SDHC: variants seen among roughly 807,000 people sequenced by gnomAD.
SDHC encodes the protein succinate dehydrogenase cytochrome b560 subunit, mitochondrial.
A neutral mutation model predicts 22.6 loss-of-function variants in SDHC; 11 were observed. The ratio of observed to expected loss-of-function variants is 0.49; its 90% CI spans 0.31 to 0.81. SDHC has a LOEUF of 0.81. SDHC is among the 30% of genes least tolerant of loss of function. The pLI is 0.05. For synonymous variants in SDHC, 80 were observed against 77.8 expected, an observed-to-expected ratio of 1.03 and a Z score of -0.15; for missense variants, 160 against 212.0, an observed-to-expected ratio of 0.75 and a Z score of 1.52.
At chr1:161,316,246 G>T (rs1218357036) in intron 1 of SDHC, among the ~76,000 whole-genome samples, 1 of 152,116 alleles carries the variant, frequency 6.6e-6, no homozygotes, top group African/African-American at 2.4e-5. Flanking sequence ...GGGGTCTGGG[G>T]GACGGTCAGG....
At chr1:161,344,449 A>G (rs1028383158) in intron 4 of SDHC, among the ~76,000 whole-genome samples, 1 of 150,852 alleles carries the variant, frequency 6.6e-6, no homozygotes, top group African/African-American at 2.5e-5. Context: ...GCAAGACCCT[A>G]TCTCAAAAAA....
At chr1:161,326,243 T>G (rs978165746) in intron 2 of SDHC, among the ~76,000 whole-genome samples, 1 of 151,582 alleles carries the variant, frequency 6.6e-6, no homozygotes, top group Non-Finnish European at 1.5e-5. Context: ...TGATATGACC[T>G]CATCAGATGA....
chr1:161,316,572 T>G (rs1670625500), intron 1 of SDHC, among the ~76,000 whole-genome samples: 1 of 152,204 alleles, frequency 6.6e-6, no homozygotes, highest in Admixed American at 6.5e-5. Context: ...TACGGACACC[T>G]TAACAATCTG....
chr1:161,321,537 C>T (rs1260571537), intron 1 of SDHC, among the ~76,000 whole-genome samples: 1 of 152,142 alleles, frequency 6.6e-6, no homozygotes, highest in Non-Finnish European at 1.5e-5. Context: ...GGAATGCGTG[C>T]CCTGCAACTT....
intron 4 of SDHC, among the ~76,000 whole-genome samples, chr1:161,354,544 T>C (rs1403236029): frequency 6.6e-6 from 1 of 152,122 alleles, no homozygotes; most frequent in Non-Finnish European, 1.5e-5. Flanking sequence ...GGAGTTGTGA[T>C]GTGGGTACTC....
chr1:161,346,416 C>T (rs180808694), intron 4 of SDHC, among the ~76,000 whole-genome samples: 43 of 144,986 alleles, frequency 3.0e-4, no homozygotes, highest in Admixed American at 2.1e-3. Flanking sequence ...TTTTTTTTTT[C>T]GAGACAGAGT....
intron 3 of SDHC, among the ~76,000 whole-genome samples, chr1:161,334,177 A>G (rs1671385576): frequency 6.6e-6 from 1 of 152,092 alleles, no homozygotes. Flanking sequence ...TAGCTTCTAG[A>G]GGCTATCTGA....
In SDHC at chr1:161,363,164, A is replaced by C. The variant is rs1433747863; in HGVS notation, c.*731A>C. ...CGAAGTAATGTACCCTTTTTTTCTG[A>C]AACTGAATTAAATACTCATTTTATC... On this transcript the variant is annotated 3_prime_UTR_variant, in exon 6 of 6. Transcript: ENST00000367975. 8.6e-6 allele frequency: 2 copies of C among 233,486 alleles called. No homozygotes were observed. Among genetic ancestry groups the C allele is most frequent in the African/African-American group, 4.4e-5 (2 of 45,268 alleles). 14.5% of individuals were successfully genotyped at this position (233,486 alleles called of 1,614,324 possible). A position where few individuals can be genotyped will look rare whatever the true frequency, so the allele number is the denominator to read the frequency against.
rs60151629 is a variant in SDHC, at chr1:161,354,663, T to TTGTGTGTG, written c.242-1974_242-1967dup. ...ATTTTACAGATGATGTCTTATTTCT[T>TTGTGTGTG]TGTGTGTGTGTGTGTGTGTGTGTGT... On this transcript the variant is annotated intron_variant, in intron 4 of 5. Coordinates refer to ENST00000367975, the MANE Select transcript of SDHC (RefSeq NM_003001.5). Among the ~76,000 whole-genome samples, 417 of 116,606 alleles carry TTGTGTGTG rather than the reference T, an allele frequency of 3.6e-3. 4 individuals are homozygous for TTGTGTGTG. The highest frequency in any genetic ancestry group is 7.0e-3 in the East Asian group (27 of 3,842). The allele number at this position is 116,606 out of a possible 152,430, so 76.5% of individuals were successfully genotyped here.
chr1:161,323,943 G>A (rs188167636), intron 2 of SDHC, among the ~76,000 whole-genome samples: 53 of 152,166 alleles, frequency 3.5e-4, no homozygotes, highest in Non-Finnish European at 5.9e-4. Context: ...TGATCCGCCC[G>A]CCTCGGCCTC....
chr1:161,361,590 A>G (rs1672511397), intron 5 of SDHC, among the ~76,000 whole-genome samples: 1 of 152,240 alleles, frequency 6.6e-6, no homozygotes, highest in African/African-American at 2.4e-5. Flanking sequence ...CTGTAATCCC[A>G]GCATTCTGGG....
At chr1:161,341,755 T>C (rs1671724506) in intron 4 of SDHC, among the ~76,000 whole-genome samples, 1 of 152,214 alleles carries the variant, frequency 6.6e-6, no homozygotes, top group East Asian at 1.9e-4. Context: ...CTAGATTATG[T>C]TCCCTGGATA....
intron 1 of SDHC, among the ~76,000 whole-genome samples, chr1:161,318,975 C>G (rs1456995143): frequency 1.3e-5 from 2 of 152,072 alleles, no homozygotes; most frequent in African/African-American, 4.8e-5. Context: ...ACCTGGGAGG[C>G]GGAGGTTGCA....
At chr1:161,316,901 T>C (rs570535237) in intron 1 of SDHC, among the ~76,000 whole-genome samples, 2 of 152,304 alleles carry the variant, frequency 1.3e-5, no homozygotes, top group Admixed American at 1.3e-4. Context: ...ATTGATTCCA[T>C]GATTTTGGTT....
At chr1:161,360,410 G>C (rs987270799) in intron 5 of SDHC, among the ~76,000 whole-genome samples, 3 of 151,824 alleles carry the variant, frequency 2.0e-5, no homozygotes, top group Non-Finnish European at 2.9e-5. Flanking sequence ...CAAAAAATTA[G>C]CTGGGCATGG....
At chr1:161,323,841 G>A (rs1249830460) in intron 2 of SDHC, among the ~76,000 whole-genome samples, 171 bp downstream of exon 2, 4 of 151,888 alleles carry the variant, frequency 2.6e-5, no homozygotes, top group Non-Finnish European at 5.9e-5. Flanking sequence ...GACTACAGGC[G>A]CCCACCACCA....
At chr1:161,358,236 C>T (rs563723411) in intron 5 of SDHC, among the ~76,000 whole-genome samples, 2 of 149,618 alleles carry the variant, frequency 1.3e-5, no homozygotes, top group African/African-American at 2.5e-5. Context: ...TTAGTAGAGA[C>T]GGGATTTTGC....
intron 4 of SDHC, among the ~76,000 whole-genome samples, chr1:161,349,738 G>A (rs1024618304): frequency 6.6e-6 from 1 of 152,136 alleles, no homozygotes; most frequent in Non-Finnish European, 1.5e-5. Context: ...TCCAGACTGA[G>A]TGTAGAAAAA....
At chr1:161,316,451 G>A (rs1319456252) in intron 1 of SDHC, among the ~76,000 whole-genome samples, 3 of 152,170 alleles carry the variant, frequency 2.0e-5, no homozygotes, top group Non-Finnish European at 4.4e-5. Context: ...AGCACATCTT[G>A]CACAGCCCTT....
Sources: allele counts gnomAD v4.1 joint callset (sites outside exome capture counted in the v4.1 genomes callset), GRCh38; gene constraint gnomAD v4.1.1; transcripts MANE v1.5; gene names NCBI Gene and HGNC (gene_info 2026-07-23, HGNC 2026-07-21).